HS3ST4: variants seen among roughly 807,000 people sequenced by gnomAD.
The protein encoded by HS3ST4 is heparan sulfate glucosamine 3-O-sulfotransferase 4.
Under a neutral mutation model 29.2 loss-of-function variants are expected in HS3ST4, and 17 were observed. The ratio of observed to expected loss-of-function variants is 0.58; its 90% CI spans 0.40 to 0.87. HS3ST4 has a LOEUF of 0.87. Ranked by LOEUF, HS3ST4 falls within the 40% of genes least tolerant of loss-of-function variation. The pLI is 0.00. For missense variants in HS3ST4, 627 were observed against 634.5 expected (o/e 0.99, Z 0.13); for synonymous variants, 314 against 285.7 (o/e 1.10, Z -1.00).
intron 1 of HS3ST4, among the ~76,000 whole-genome samples, chr16:25,752,788 A>G (rs1966730565): frequency 6.6e-6 from 1 of 152,214 alleles, no homozygotes; most frequent in African/African-American, 2.4e-5. Context: ...TACATACTGT[A>G]CTTTAATATC....
chr16:25,977,533 T>G (rs1968955614), intron 1 of HS3ST4, among the ~76,000 whole-genome samples: 1 of 152,182 alleles, frequency 6.6e-6, no homozygotes. Flanking sequence ...TACACATCTA[T>G]CATTGTAATA....
At chr16:25,758,733 A>G (rs996694212) in intron 1 of HS3ST4, among the ~76,000 whole-genome samples, 1 of 152,194 alleles carries the variant, frequency 6.6e-6, no homozygotes, top group Non-Finnish European at 1.5e-5. Flanking sequence ...AAGTGGGCAG[A>G]TCACCTGAGG....
At chr16:25,742,479 A>G (rs1966661384) in intron 1 of HS3ST4, among the ~76,000 whole-genome samples, 1 of 152,236 alleles carries the variant, frequency 6.6e-6, no homozygotes. Flanking sequence ...GGAACCTTGG[A>G]TTCAGGGGAG....
intron 1 of HS3ST4, among the ~76,000 whole-genome samples, chr16:25,918,120 A>G (rs1288838464): frequency 1.3e-5 from 2 of 152,184 alleles, no homozygotes; most frequent in East Asian, 3.8e-4. Flanking sequence ...TTCAACACAC[A>G]TTTGTTGGAC....
intron 1 of HS3ST4, among the ~76,000 whole-genome samples, chr16:26,079,569 A>G (rs1489477378): frequency 6.6e-6 from 1 of 152,258 alleles, no homozygotes; most frequent in Non-Finnish European, 1.5e-5. Flanking sequence ...CATTAGTATT[A>G]TAAGGCACCA....
intron 1 of HS3ST4, among the ~76,000 whole-genome samples, chr16:26,020,493 C>T (rs1169487904): frequency 6.6e-6 from 1 of 152,198 alleles, no homozygotes; most frequent in Non-Finnish European, 1.5e-5. Flanking sequence ...AGCCGGAGGA[C>T]TGAGGCTTTG....
chr16:25,779,889 T>C (rs908742017), intron 1 of HS3ST4, among the ~76,000 whole-genome samples: 1 of 152,218 alleles, frequency 6.6e-6, no homozygotes, highest in Non-Finnish European at 1.5e-5. Flanking sequence ...CAGAGCTGGC[T>C]TGGCATCTTG....
intron 1 of HS3ST4, among the ~76,000 whole-genome samples, chr16:25,705,635 G>A (rs949780238): frequency 6.6e-6 from 1 of 151,998 alleles, no homozygotes; most frequent in Non-Finnish European, 1.5e-5. Context: ...CTACACTCCA[G>A]CCTGGTGATG....
At chr16:25,708,225 T>C (rs1966389374) in intron 1 of HS3ST4, among the ~76,000 whole-genome samples, 1 of 152,216 alleles carries the variant, frequency 6.6e-6, no homozygotes, top group Non-Finnish European at 1.5e-5. Flanking sequence ...GTCAGGCATT[T>C]CCTGAGATAC....
chr16:25,702,624 G>A (rs1454939583), intron 1 of HS3ST4, among the ~76,000 whole-genome samples: 1 of 152,114 alleles, frequency 6.6e-6, no homozygotes, highest in Non-Finnish European at 1.5e-5. Flanking sequence ...GAGATCAGAT[G>A]TGTTTGAGGG....
rs773160499 is a variant in HS3ST4 at position 26,010,744 on chromosome 16, CAAA to C, written c.735-124867_735-124865del. ...ATAGCTAATACCGCTTGTGGCGACTCAAAGAAGGCTTCACAGAGGAGGCCATGT... is the reference window on the plus strand; with the variant it reads ...ATAGCTAATACCGCTTGTGGCGACTCGAAGGCTTCACAGAGGAGGCCATGT... On this transcript the variant is annotated intron_variant, in intron 1 of 1. Coordinates refer to ENST00000331351, the MANE Select transcript of HS3ST4 (RefSeq NM_006040.3). Among the ~76,000 whole-genome samples, 10 of 152,174 alleles carry C rather than the reference CAAA, an allele frequency of 6.6e-5. No individual in the cohort carries two copies. In the East Asian group the frequency reaches 1.9e-3, roughly 30 times the overall value.
chr16:25,905,751 T>C (rs1968172757), intron 1 of HS3ST4, among the ~76,000 whole-genome samples: 1 of 152,166 alleles, frequency 6.6e-6, no homozygotes, highest in East Asian at 1.9e-4. Flanking sequence ...ATATACCTCA[T>C]TCATGATTTT....
At chr16:26,119,520 G>A (rs1053279028) in intron 1 of HS3ST4, among the ~76,000 whole-genome samples, 1 of 152,166 alleles carries the variant, frequency 6.6e-6, no homozygotes. Flanking sequence ...GGATGGTGAT[G>A]CCCTCTCCTG....
chr16:25,879,374 A>G (rs529360776), intron 1 of HS3ST4, among the ~76,000 whole-genome samples: 4 of 152,282 alleles, frequency 2.6e-5, no homozygotes, highest in Non-Finnish European at 5.9e-5. Context: ...GCAATTTACA[A>G]AAGAAAGGGG....
At chr16:25,928,483 G>A (rs1366576581) in intron 1 of HS3ST4, among the ~76,000 whole-genome samples, 1 of 152,168 alleles carries the variant, frequency 6.6e-6, no homozygotes, top group Non-Finnish European at 1.5e-5. Flanking sequence ...AAATGCAGAT[G>A]CAGAGTTCTA....
At chr16:25,806,201 G>A (rs924623689) in intron 1 of HS3ST4, among the ~76,000 whole-genome samples, 1 of 152,124 alleles carries the variant, frequency 6.6e-6, no homozygotes, top group Non-Finnish European at 1.5e-5. Context: ...AGTGCACATT[G>A]CCTACATCTC....
At position 25,826,557 on chromosome 16, in the gene HS3ST4, A is replaced by G. The variant is rs1256744856; in HGVS notation, c.734+133406A>G. ...GGATATCAAGGAAATCAAGGATATTATCAAGGAAATTGCAAAAATAAGAAC... is the reference window on the plus strand; with the variant it reads ...GGATATCAAGGAAATCAAGGATATTGTCAAGGAAATTGCAAAAATAAGAAC... On this transcript the variant is annotated intron_variant, in intron 1 of 1. Coordinates refer to ENST00000331351, the MANE Select transcript of HS3ST4 (RefSeq NM_006040.3). 2.6e-5 allele frequency among the ~76,000 whole-genome samples: 4 copies of G among 152,204 alleles called. No homozygotes were observed. In the East Asian group the frequency reaches 5.8e-4, roughly 22 times the overall value.
At chr16:26,032,919 C>T (rs984237104) in intron 1 of HS3ST4, 20 of 850,570 alleles carry the variant, frequency 2.4e-5, no homozygotes, top group African/African-American at 1.7e-4. Flanking sequence ...CACACTGCTC[C>T]GGAGGCGTGT....
intron 1 of HS3ST4, among the ~76,000 whole-genome samples, chr16:25,793,319 T>C (rs1157068590): frequency 6.6e-6 from 1 of 151,996 alleles, no homozygotes; most frequent in African/African-American, 2.4e-5. Flanking sequence ...TTGATTAACA[T>C]GATTTTTTTG....
Sources: gnomAD v4.1 joint callset for allele counts (sites outside exome capture counted in the v4.1 genomes callset) on GRCh38, gnomAD v4.1.1 for gene constraint, MANE v1.5 for transcripts, NCBI Gene and HGNC (gene_info 2026-07-23, HGNC 2026-07-21) for gene names.